The following SFXN1 variants were observed in gnomAD, a reference collection of about 807,000 sequenced individuals.
SFXN1 encodes the protein sideroflexin-1.
In SFXN1, 32 loss-of-function variants were observed where a neutral mutation model predicts 39.5. The observed-to-expected ratio is 0.81, with a 90% confidence interval of 0.61 to 1.09. The LOEUF is 1.09. Ranked by LOEUF, SFXN1 falls within the 50% of genes least tolerant of loss-of-function variation. SFXN1 has a pLI of 0.00. For synonymous variants in SFXN1, 136 were observed against 146.5 expected (o/e 0.93, Z 0.52); for missense variants, 402 against 407.1 (o/e 0.99, Z 0.11).
In SFXN1 at chr5:175,513,531, C is replaced by G. The variant is rs1469591827; in HGVS notation, c.665C>G (p.Ala222Gly). ...CGCTTGGGGGAGTCGGCGAACGCTGCGAAACAAGCCATCACGCAAGTTGTC... is the reference window on the plus strand; with the variant it reads ...CGCTTGGGGGAGTCGGCGAACGCTGGGAAACAAGCCATCACGCAAGTTGTC... ...GNRLGESANAAKQAITQVVVS... is the reference protein window; with the variant it reads ...GNRLGESANAGKQAITQVVVS... Residue 222 changes from alanine (A) to glycine (G), a missense_variant, in exon 7 of 11, where the codon GCG (alanine) becomes GGG (glycine). By Grantham distance (60) the Ala-to-Gly change is moderately conservative. Coordinates refer to ENST00000321442, the MANE Select transcript of SFXN1 (RefSeq NM_022754.7). 6.2e-7 allele frequency: 1 copy of G among 1,613,670 alleles called. No individual in the cohort carries two copies. Among genetic ancestry groups the G allele is most frequent in the Non-Finnish European group, 8.5e-7 (1 of 1,179,894 alleles).
Position 175,492,114 on chromosome 5 carries a change from A to G in SFXN1, c.11A>G (p.Glu4Gly), listed in dbSNP as rs752225440. The G allele has an allele frequency of 6.2e-7, 1 of 1,613,162 alleles. No individual in the cohort carries two copies. The highest frequency in any genetic ancestry group is 1.1e-5 in the South Asian group (1 of 90,826). MSG[E>G]LPPNINIKEP... The stretch of plus-strand genomic sequence containing the variant: ...TTGCAGTCCGGGACCATGTCTGGAG[A>G]ACTACCACCAAACATTAACATCAAG... Residue 4 changes from glutamate (E) to glycine (G), a missense_variant, in exon 2 of 11, where the codon GAA (glutamate) becomes GGA (glycine). Transcript: ENST00000321442.
chr5:175,490,368 G>A (rs1183074053), intron 1 of SFXN1, among the ~76,000 whole-genome samples: 1 of 152,180 alleles, frequency 6.6e-6, no homozygotes, highest in Non-Finnish European at 1.5e-5. Context: ...TCTAGGAATA[G>A]CAGGCCTGAT....
Position 175,522,411 on chromosome 5 carries a change from T to A in SFXN1, c.861T>A (p.Phe287Leu). ...VFATPLCCAL[F>L]PQKSSMSVTS... ...CTACACCCCTGTGTTGTGCCCTGTT[T>A]CCTCAGAAAAGGTATGTATTTGTTA... is the stretch of plus-strand genomic sequence containing the variant. Residue 287 changes from phenylalanine (F) to leucine (L), a missense_variant, in exon 10 of 11, where the codon TTT becomes TTA. Transcript: ENST00000321442. 6.2e-7 allele frequency: 1 copy of A among 1,612,284 alleles called. No homozygotes were observed. Among genetic ancestry groups the A allele is most frequent in the South Asian group, 1.1e-5 (1 of 90,662 alleles).
At chr5:175,478,817 G>GTT (rs1561646944) in intron 1 of SFXN1, 178 bp downstream of exon 1, 12 of 151,438 alleles carry the variant, frequency 7.9e-5, no homozygotes, top group African/African-American at 2.9e-4. Context: ...CCGGGGGGGG[G>GTT]GTCCCTGCAC....
Position 175,510,342 on chromosome 5 carries a change from TG to T in SFXN1, c.434+136del, listed in dbSNP as rs1760469908. The T allele has an allele frequency of 5.8e-6, 4 of 691,624 alleles. No individual in the cohort carries two copies. The South Asian group carries it at 8.3e-5, about 14-fold the overall frequency. 42.8% of individuals were successfully genotyped at this position (691,624 alleles called of 1,614,324 possible). A position where few individuals can be genotyped will look rare whatever the true frequency, so the allele number is the denominator to read the frequency against. On this transcript the variant is annotated intron_variant, in intron 4 of 10. Transcript: ENST00000321442. ...CAGAATATTATGTAGCATCCTTTTT[TG>T]TAGCTTTTTTCTTTTTTAAAGTAAA...
At chr5:175,493,216 C>A (rs11134926) in intron 2 of SFXN1, among the ~76,000 whole-genome samples, 1 of 151,894 alleles carries the variant, frequency 6.6e-6, no homozygotes, top group East Asian at 1.9e-4. Context: ...TCGTGCCACT[C>A]GCCACTGCAC....
intron 2 of SFXN1, among the ~76,000 whole-genome samples, chr5:175,505,413 T>A (rs946529699): frequency 7.9e-5 from 12 of 151,018 alleles, no homozygotes; most frequent in African/African-American, 2.7e-4. Flanking sequence ...GGCGGGTGCC[T>A]GTAATCCCAG....
chr5:175,482,846 C>T (rs1421461372), intron 1 of SFXN1, among the ~76,000 whole-genome samples: 3 of 152,106 alleles, frequency 2.0e-5, no homozygotes, highest in Non-Finnish European at 4.4e-5. Context: ...GTTCTCATTC[C>T]ATAGGTTATC....
In SFXN1 at chr5:175,500,889, A is replaced by G. The variant is rs532958958; in HGVS notation, c.165-8143A>G. Among the ~76,000 whole-genome samples, 22 of 152,306 alleles carry G rather than the reference A, an allele frequency of 1.4e-4. 1 individual carries two copies. In the South Asian group the frequency reaches 4.6e-3, roughly 32 times the overall value. Reference sequence around the variant, plus strand: ...CAATGAGGAAAGGATACTCTGTTCAATGAATAGTTCTGGAAAAATTAGATT... The same window carrying G: ...CAATGAGGAAAGGATACTCTGTTCAGTGAATAGTTCTGGAAAAATTAGATT... On this transcript the variant is annotated intron_variant, in intron 2 of 10. Transcript: ENST00000321442.
chr5:175,496,634 CAA>C (rs1228761745), intron 2 of SFXN1, among the ~76,000 whole-genome samples: 1 of 152,068 alleles, frequency 6.6e-6, no homozygotes, highest in Admixed American at 6.5e-5. Flanking sequence ...AAAATCAAAT[CAA>C]AGACTTTAAA....
In SFXN1 at chr5:175,519,035, ACTT is replaced by A. The variant is rs571955282; in HGVS notation, c.774+2373_774+2375del. On this transcript the variant is annotated intron_variant, in intron 8 of 10. Coordinates refer to ENST00000321442, the MANE Select transcript of SFXN1 (RefSeq NM_022754.7). ...CCAGAATACATAAAGGACCCTCAAC[ACTT>A]AAGCTGGGCAAAAGGTTTGAACAGA... Among the ~76,000 whole-genome samples, 226 of 152,348 alleles carry A rather than the reference ACTT, an allele frequency of 1.5e-3. 1 individual carries two copies. The highest frequency in any genetic ancestry group is 5.2e-3 in the African/African-American group (216 of 41,588).
chr5:175,526,631 A>G lies in SFXN1; in HGVS notation c.873-7A>G. 1 of 1,612,572 alleles carries G rather than the reference A, an allele frequency of 6.2e-7. No individual in the cohort carries two copies. Among genetic ancestry groups the G allele is most frequent in the Non-Finnish European group, 8.5e-7 (1 of 1,178,606 alleles). On this transcript the variant is annotated splice_region_variant and splice_polypyrimidine_tract_variant and intron_variant, in intron 10 of 10. Transcript: ENST00000321442. ...GTAATAACCCTGTCATTTCTCCCTT[A>G]TCCCAGTTCCATGTCTGTGACAAGC...
intron 7 of SFXN1, among the ~76,000 whole-genome samples, chr5:175,516,412 T>A (rs984392075): frequency 6.6e-6 from 1 of 152,238 alleles, no homozygotes; most frequent in African/African-American, 2.4e-5. Flanking sequence ...GATATTACTG[T>A]TCAAAAATTT....
chr5:175,521,104 C>T (rs1173679551), intron 8 of SFXN1, among the ~76,000 whole-genome samples: 1 of 152,064 alleles, frequency 6.6e-6, no homozygotes, highest in Non-Finnish European at 1.5e-5. Flanking sequence ...CAGCTCACAC[C>T]TTGGTTGCAG....
At chr5:175,492,040 A>C in intron 1 of SFXN1, 55 bp from the exon 2 acceptor site, 1 of 1,370,770 alleles carries the variant, frequency 7.3e-7, no homozygotes, top group Non-Finnish European at 9.9e-7. Flanking sequence ...AAAGTTTCTA[A>C]ATACGTAGTG....
chr5:175,522,429 A>G lies in SFXN1; in HGVS notation c.872+7A>G, dbSNP rs1760911090. On this transcript the variant is annotated splice_region_variant and intron_variant, in intron 10 of 10. Transcript: ENST00000321442. ...CCCTGTTTCCTCAGAAAAGGTATGT[A>G]TTTGTTATTCGTCAGAATCATCATG... 2 of 1,611,376 alleles carry G rather than the reference A, an allele frequency of 1.2e-6. No individual in the cohort carries two copies. The highest frequency in any genetic ancestry group is 1.7e-5 in the Admixed American group (1 of 59,198).
intron 1 of SFXN1, among the ~76,000 whole-genome samples, chr5:175,484,605 C>G (rs1270079695): frequency 6.6e-6 from 1 of 152,244 alleles, no homozygotes; most frequent in Non-Finnish European, 1.5e-5. Context: ...TTAAGGATAC[C>G]AGCATCTCGC....
intron 10 of SFXN1, chr5:175,526,096 A>ATC (rs1197621265): frequency 6.6e-6 from 1 of 151,594 alleles, no homozygotes; most frequent in East Asian, 1.9e-4. Flanking sequence ...AACAGTGGTT[A>ATC]TCTCTCAGCG....
intron 10 of SFXN1, chr5:175,525,919 TA>T (rs1761044046): frequency 1.3e-5 from 2 of 152,212 alleles, no homozygotes; most frequent in African/African-American, 2.4e-5. Context: ...CAGCCTCAAA[TA>T]TTTTTTTTAA....
Sources: gnomAD v4.1 joint callset for allele counts (sites outside exome capture counted in the v4.1 genomes callset) on GRCh38, gnomAD v4.1.1 for gene constraint, MANE v1.5 for transcripts, NCBI Gene and HGNC (gene_info 2026-07-23, HGNC 2026-07-21) for gene names.